The following ZSWIM4 variants were observed in gnomAD, a reference collection of about 807,000 sequenced individuals.
ZSWIM4 encodes zinc finger SWIM domain-containing protein 4.
In ZSWIM4, 62 loss-of-function variants were observed where a neutral mutation model predicts 102.5. The observed-to-expected ratio is 0.60, with a 90% confidence interval of 0.49 to 0.75. ZSWIM4 has a LOEUF of 0.75. ZSWIM4 is among the 30% of genes least tolerant of loss of function. The pLI, the probability that ZSWIM4 is intolerant of heterozygous loss-of-function variation, is 0.00. For missense variants in ZSWIM4, 1,280 were observed against 1,529.6 expected (o/e 0.84, Z 2.72); for synonymous variants, 652 against 674.5 (o/e 0.97, Z 0.52).
chr19:13,805,161 CG>C lies in ZSWIM4; in HGVS notation c.712+18del, dbSNP rs1974885510. The C allele has an allele frequency of 1.3e-6, 2 of 1,588,354 alleles. No homozygotes were observed. The highest frequency in any genetic ancestry group is 1.3e-5 in the African/African-American group (1 of 74,694). On this transcript the variant is annotated intron_variant, in intron 3 of 13. Transcript: ENST00000590508. Reference sequence around the variant, plus strand: ...AACTTGGTGAATGGTAAGGGCACCCCGGGGGTCCGGTGGGGAGAGGATGCCC... The same window carrying C: ...AACTTGGTGAATGGTAAGGGCACCCCGGGGTCCGGTGGGGAGAGGATGCCC...
At chr19:13,803,255 G>A (rs908736773) in intron 2 of ZSWIM4, among the ~76,000 whole-genome samples, 3 of 152,198 alleles carry the variant, frequency 2.0e-5, no homozygotes, top group Non-Finnish European at 4.4e-5. Flanking sequence ...CTGAGCTGCC[G>A]AACCAGTCAG....
intron 6 of ZSWIM4, 32 bp from the exon 7 acceptor site, chr19:13,814,483 C>A (rs1228755511): frequency 6.2e-6 from 7 of 1,120,514 alleles, no homozygotes; most frequent in African/African-American, 1.6e-5. Flanking sequence ...GGGACCCCCC[C>A]TCACTGAGCC....
chr19:13,818,993 G>A (rs1371047843), intron 9 of ZSWIM4, among the ~76,000 whole-genome samples: 1 of 151,986 alleles, frequency 6.6e-6, no homozygotes, highest in Non-Finnish European at 1.5e-5. Context: ...CTCCCGAGTA[G>A]CTGGGACTAC....
chr19:13,804,469 C>CAAATAAATAAAT lies in ZSWIM4; in HGVS notation c.356-307_356-296dup, dbSNP rs538890080. On this transcript the variant is annotated intron_variant, in intron 2 of 13. Coordinates refer to ENST00000590508, the MANE Select transcript of ZSWIM4 (RefSeq NM_001367834.3). ...TGGGCAACAGAGCAAAGCTCTGTCC[C>CAAATAAATAAAT]AAATAAATAAATAAATAAATAAATA... Among the ~76,000 whole-genome samples, 869 of 150,076 alleles carry CAAATAAATAAAT rather than the reference C, an allele frequency of 5.8e-3. 9 individuals carry two copies. Among genetic ancestry groups the CAAATAAATAAAT allele is most frequent in the African/African-American group, 0.021 (839 of 40,506 alleles).
intron 1 of ZSWIM4, among the ~76,000 whole-genome samples, chr19:13,799,078 T>C (rs10414500): frequency 0.029 from 4,364 of 151,980 alleles, 200 homozygotes; most frequent in African/African-American, 0.1. Flanking sequence ...CATGAGCCAC[T>C]GCCCTGACCT....
At chr19:13,818,551 CTTTTCCTTTTCCTT>C (rs951136518) in intron 9 of ZSWIM4, among the ~76,000 whole-genome samples, 4 of 148,968 alleles carry the variant, frequency 2.7e-5, no homozygotes, top group East Asian at 3.9e-4. Flanking sequence ...GGAGTCTCTT[CTTTTCCTTTTCCTT>C]TTTTCCTTTT....
chr19:13,814,673 G>T lies in ZSWIM4; in HGVS notation c.1339G>T (p.Asp447Tyr). The T allele has an allele frequency of 7.8e-7, 1 of 1,281,784 alleles. No individual in the cohort carries two copies. Among genetic ancestry groups the T allele is most frequent in the Non-Finnish European group, 1.0e-6 (1 of 983,642 alleles). 79.4% of individuals were successfully genotyped at this position (1,281,784 alleles called of 1,614,324 possible). A position where few individuals can be genotyped will look rare whatever the true frequency, so the allele number is the denominator to read the frequency against. The part of the protein sequence containing the change: ...GPSLTGSVGG[D>Y]KPTFDPQGRP... ...CAGCCTCACAGGCAGCGTGGGTGGG[G>T]ACAAACCGACTTTCGACCCCCAGGG... Residue 447 changes from aspartate (D) to tyrosine (Y), a missense_variant, in exon 7 of 14, where the codon GAC (aspartate) becomes TAC (tyrosine). Asp to Tyr is a radical substitution (Grantham distance 160, BLOSUM62 -3). Coordinates refer to ENST00000590508, the MANE Select transcript of ZSWIM4 (RefSeq NM_001367834.3).
Position 13,817,864 on chromosome 19 carries a change from C to A in ZSWIM4, c.1812C>A (p.Ala604=). 4 of 1,556,630 alleles carry A rather than the reference C, an allele frequency of 2.6e-6. No homozygotes were observed. The highest frequency in any genetic ancestry group is 3.5e-6 in the Non-Finnish European group (4 of 1,149,964). The change falls in exon 9 of 14, where the codon GCC becomes GCA. Residue 604 remains alanine (A), a synonymous_variant. Transcript: ENST00000590508. The part of the protein sequence containing the change: ...QQRALPEGLY[A]QDKVVRNEEQ... ...GGGCCCTGCCGGAGGGGCTGTACGC[C>A]CAGGACAAGGTGGTGCGCAACGAGG...
chr19:13,830,547 A>G lies in ZSWIM4; in HGVS notation c.2818A>G (p.Lys940Glu), dbSNP rs777228534. The change falls in exon 14 of 14, where the codon AAG (lysine) becomes GAG (glutamate). Residue 940 changes from lysine (K) to glutamate (E), a missense_variant. Physicochemically the swap from Lys to Glu is moderately conservative, Grantham distance 56 (BLOSUM62 1). Coordinates refer to ENST00000590508, the MANE Select transcript of ZSWIM4 (RefSeq NM_001367834.3). ...CCGCGGGCTGCCGCTCCGGGCCTACAAGCTGGCGACGCTGGCCCTGGCGCA... is the reference window on the plus strand; with the variant it reads ...CCGCGGGCTGCCGCTCCGGGCCTACGAGCTGGCGACGCTGGCCCTGGCGCA... ...EHRGLPLRAY[K>E]LATLALAQLS... is the part of the protein sequence containing the mutation. 6.3e-7 allele frequency: 1 copy of G among 1,599,480 alleles called. No individual in the cohort carries two copies. Among genetic ancestry groups the G allele is most frequent in the Non-Finnish European group, 8.5e-7 (1 of 1,179,496 alleles).
In ZSWIM4 at chr19:13,825,089, G is replaced by A. The variant is rs1438135412; in HGVS notation, c.2216-461G>A. On this transcript the variant is annotated intron_variant, in intron 11 of 13. Transcript: ENST00000590508. The surrounding 1 kb of genome is among the most constrained non-coding windows in gnomAD (Gnocchi z 4.6). Reference sequence around the variant, plus strand: ...GGATATTACTCTATCATCTAGGCTGGAGTGCAGTGGTGCCATCTCAGCTGA... The same window carrying A: ...GGATATTACTCTATCATCTAGGCTGAAGTGCAGTGGTGCCATCTCAGCTGA... Among the ~76,000 whole-genome samples the A allele has an allele frequency of 6.6e-6, 1 of 151,114 alleles. No homozygotes were observed.
rs770828140 is a variant in ZSWIM4, at chr19:13,817,285, T to C, written c.1601T>C (p.Ile534Thr). 152 of 1,613,910 alleles carry C rather than the reference T, an allele frequency of 9.4e-5. No individual in the cohort carries two copies. Among genetic ancestry groups the C allele is most frequent in the Non-Finnish European group, 1.1e-4 (135 of 1,179,936 alleles). Reference protein sequence around the residue: ...EGWVGHPLDPIGCLCRALLEA... With the variant: ...EGWVGHPLDPTGCLCRALLEA... ...TGGGTGGGGCACCCCCTGGACCCCA[T>C]TGGCTGCCTCTGCAGGGCGCTCCTG... Residue 534 changes from isoleucine (I) to threonine (T), a missense_variant, in exon 8 of 14, where the codon ATT becomes ACT. Coordinates refer to ENST00000590508, the MANE Select transcript of ZSWIM4 (RefSeq NM_001367834.3).
At position 13,830,391 on chromosome 19, in the gene ZSWIM4, G is replaced by T. The variant is rs372292857; in HGVS notation, c.2662G>T (p.Ala888Ser). The T allele has an allele frequency of 4.3e-6, 7 of 1,612,328 alleles. No individual in the cohort carries two copies. Among genetic ancestry groups the T allele is most frequent in the Non-Finnish European group, 5.9e-6 (7 of 1,179,978 alleles). The part of the protein sequence containing the change: ...QCAMKDPQNC[A>S]LPALTLCEKN... ...CGCGATGAAGGACCCTCAGAACTGCGCCTTGCCTGCCCTGACCCTGTGCGA... is the reference window on the plus strand; with the variant it reads ...CGCGATGAAGGACCCTCAGAACTGCTCCTTGCCTGCCCTGACCCTGTGCGA... Residue 888 changes from alanine to serine, a missense_variant, in exon 14 of 14, where the codon GCC (alanine) becomes TCC (serine). Transcript: ENST00000590508.
In ZSWIM4 at chr19:13,825,786, C is replaced by T. The variant is rs554403481; in HGVS notation, c.2379+73C>T. 8 of 1,516,374 alleles carry T rather than the reference C, an allele frequency of 5.3e-6. No homozygotes were observed. The highest frequency in any genetic ancestry group is 2.3e-5 in the East Asian group (1 of 42,696). The allele number at this position is 1,516,374 out of a possible 1,614,324, so 93.9% of individuals were successfully genotyped here. A position where few individuals can be genotyped will look rare whatever the true frequency, so the allele number is the denominator to read the frequency against. ...AGGACTGACTGTGAGCTGCGCCTCC[C>T]GGGGCATGGGCTGAGTGTGAGCCAC... is the stretch of plus-strand genomic sequence containing the variant. On this transcript the variant is annotated intron_variant, in intron 12 of 13. Transcript: ENST00000590508. The surrounding 1 kb of genome is among the most constrained non-coding windows in gnomAD (Gnocchi z 4.6).
intron 13 of ZSWIM4, 152 bp downstream of exon 13, chr19:13,828,878 A>T (rs1403896160): frequency 6.0e-6 from 4 of 665,820 alleles, no homozygotes; most frequent in Non-Finnish European, 1.0e-5. Flanking sequence ...AAGCGGGAGG[A>T]TCACTTGAGC....
At chr19:13,829,185 G>T (rs537853280) in intron 13 of ZSWIM4, among the ~76,000 whole-genome samples, 6,225 of 152,114 alleles carry the variant, frequency 0.041, 420 homozygotes, top group African/African-American at 0.14. Flanking sequence ...GAGGGCTGAG[G>T]TGGGAAAATC....
chr19:13,830,128 C>T, intron 13 of ZSWIM4, 63 bp from the exon 14 acceptor site: 7 of 1,556,240 alleles, frequency 4.5e-6, no homozygotes, highest in Non-Finnish European at 6.1e-6. Flanking sequence ...GGTTAACCCA[C>T]GCATACATGT....
Position 13,817,798 on chromosome 19 carries a change from G to C in ZSWIM4, c.1746G>C (p.Val582=). The part of the protein sequence containing the change: ...VPGSPGESYL[V]LALEVALLGL... ...GGAGCCCTGGGGAGTCCTACTTGGT[G>C]CTGGCGCTGGAGGTGGCACTGCTGG... Residue 582 remains valine (V), a synonymous_variant, in exon 9 of 14, where the codon GTG becomes GTC. Transcript: ENST00000590508. 1 of 1,591,368 alleles carries C rather than the reference G, an allele frequency of 6.3e-7. No individual in the cohort carries two copies. The highest frequency in any genetic ancestry group is 2.3e-5 in the East Asian group (1 of 44,098).
intron 1 of ZSWIM4, among the ~76,000 whole-genome samples, chr19:13,798,726 C>G (rs1323772025): frequency 1.3e-5 from 2 of 152,210 alleles, no homozygotes; most frequent in African/African-American, 4.8e-5. Flanking sequence ...AGTGACTTGC[C>G]TGGGGTCACA....
In ZSWIM4 at chr19:13,830,893, AC is replaced by A; in HGVS notation, c.3165del (p.Tyr1056MetfsTer75). 6.2e-7 allele frequency: 1 copy of A among 1,614,206 alleles called. No individual in the cohort carries two copies. The highest frequency in any genetic ancestry group is 8.5e-7 in the Non-Finnish European group (1 of 1,180,022). ...HSRLTHISPR[H>X]YGDFIEFLGK... The stretch of plus-strand genomic sequence containing the variant: ...CGCCTCACGCACATCAGCCCGCGGC[AC>A]TATGGGGATTTCATCGAATTCCTGG... On this transcript the variant is annotated frameshift_variant, in exon 14 of 14. Transcript: ENST00000590508. LOFTEE classifies it high-confidence loss of function.
Sources: allele counts gnomAD v4.1 joint callset (sites outside exome capture counted in the v4.1 genomes callset), GRCh38; gene constraint gnomAD v4.1.1; non-coding constraint Gnocchi (gnomAD v3.1); transcripts MANE v1.5; gene names NCBI Gene and HGNC (gene_info 2026-07-23, HGNC 2026-07-21).